LRRC4C: variants seen among roughly 807,000 people sequenced by gnomAD.
LRRC4C encodes the protein leucine-rich repeat-containing protein 4C.
LRRC4C carries 5 observed loss-of-function variants against 33.6 expected under a neutral mutation model. The observed-to-expected ratio is 0.15, with a 90% CI of 0.08 to 0.31. The LOEUF is 0.31. Among genes scored for constraint, LRRC4C ranks in the 10% least tolerant of loss-of-function variants. LRRC4C has a pLI of 1.00. For synonymous variants in LRRC4C, 329 were observed against 302.0 expected, an observed-to-expected ratio of 1.09 and a Z score of -0.93; for missense variants, 560 against 796.7, an observed-to-expected ratio of 0.70 and a Z score of 3.58.
intron 5 of LRRC4C, among the ~76,000 whole-genome samples, chr11:40,203,379 C>G (rs1298716278): frequency 6.6e-6 from 1 of 152,152 alleles, no homozygotes; most frequent in Non-Finnish European, 1.5e-5. Context: ...TTTTCCTCTT[C>G]TCTTATCATC....
Position 41,249,957 on chromosome 11 carries a change from A to G in LRRC4C, c.-496+209474T>C, listed in dbSNP as rs190179926. Among the ~76,000 whole-genome samples the G allele has an allele frequency of 1.4e-4, 22 of 152,138 alleles. No homozygotes were observed. In the East Asian group the frequency reaches 4.3e-3, roughly 29 times the overall value. ...CCTGATCTGATCACCTGAGGTCAGG[A>G]GTTCGAGACCAACCTGGCCAACATG... On this transcript the variant is annotated intron_variant, in intron 1 of 6. Coordinates refer to ENST00000528697, the MANE Select transcript of LRRC4C (RefSeq NM_001258419.2).
chr11:40,417,021 T>C (rs79288554), intron 3 of LRRC4C, among the ~76,000 whole-genome samples: 3,760 of 152,284 alleles, frequency 0.025, 156 homozygotes, highest in African/African-American at 0.085. Context: ...TGAGAACCAG[T>C]GAATGTCCCT....
Position 40,275,911 on chromosome 11 carries a change from G to A in LRRC4C, c.-175-34313C>T, listed in dbSNP as rs992820969. 5.9e-5 allele frequency among the ~76,000 whole-genome samples: 9 copies of A among 152,174 alleles called. No individual in the cohort carries two copies. The South Asian group carries it at 1.7e-3, about 28-fold the overall frequency. On this transcript the variant is annotated intron_variant, in intron 4 of 6. Coordinates refer to ENST00000528697, the MANE Select transcript of LRRC4C (RefSeq NM_001258419.2). ...GGTGGAAGTCAAGGGGCTGACCTCA[G>A]AGAGCCTTCCGGCTAAAAGCACAAA...
intron 5 of LRRC4C, among the ~76,000 whole-genome samples, chr11:40,199,489 G>T (rs918755132): frequency 2.0e-5 from 3 of 152,134 alleles, no homozygotes; most frequent in African/African-American, 7.2e-5. Flanking sequence ...ATTGCAATGA[G>T]CCACTAGGTT....
intron 3 of LRRC4C, among the ~76,000 whole-genome samples, chr11:40,516,484 T>C (rs541447728): frequency 6.6e-6 from 1 of 152,212 alleles, no homozygotes; most frequent in Admixed American, 6.6e-5. Flanking sequence ...GTTAGATATT[T>C]TTAAATACCC....
intron 3 of LRRC4C, among the ~76,000 whole-genome samples, chr11:40,615,014 C>T (rs1961622635): frequency 6.6e-6 from 1 of 151,420 alleles, no homozygotes; most frequent in African/African-American, 2.4e-5. Context: ...AAAGTGAGCA[C>T]GTGCTGTTGG....
At chr11:40,315,260 G>C (rs147024539) in intron 4 of LRRC4C, among the ~76,000 whole-genome samples, 11 of 151,620 alleles carry the variant, frequency 7.3e-5, no homozygotes, top group Non-Finnish European at 1.6e-4. Context: ...AAGGGATGGC[G>C]TGTGTGTGTG....
chr11:41,117,782 A>T (rs1239203829), intron 1 of LRRC4C, among the ~76,000 whole-genome samples: 1 of 152,152 alleles, frequency 6.6e-6, no homozygotes, highest in Non-Finnish European at 1.5e-5. Flanking sequence ...CCATTTCAAA[A>T]ATGAGAAGAA....
intron 1 of LRRC4C, among the ~76,000 whole-genome samples, chr11:41,454,813 C>G (rs11820905): frequency 1.2e-4 from 19 of 152,076 alleles, no homozygotes; most frequent in African/African-American, 4.6e-4. Context: ...GGGATTTTTA[C>G]CCCCTGTATA....
intron 1 of LRRC4C, among the ~76,000 whole-genome samples, chr11:41,383,552 T>C (rs893999544): frequency 2.0e-5 from 3 of 151,994 alleles, no homozygotes; most frequent in African/African-American, 4.8e-5. Flanking sequence ...AGGGTCATCA[T>C]TGAAAAACAG....
At chr11:40,852,814 G>T (rs1206239850) in intron 2 of LRRC4C, among the ~76,000 whole-genome samples, 1 of 152,152 alleles carries the variant, frequency 6.6e-6, no homozygotes, top group Admixed American at 6.6e-5. Context: ...AAGTCAAAAT[G>T]GAAATTTTCT....
intron 3 of LRRC4C, among the ~76,000 whole-genome samples, chr11:40,474,906 C>A (rs1953130912): frequency 6.6e-6 from 1 of 152,090 alleles, no homozygotes; most frequent in Non-Finnish European, 1.5e-5. Context: ...AATGAGATAC[C>A]ATCTCATGCC....
intron 3 of LRRC4C, among the ~76,000 whole-genome samples, chr11:40,592,080 C>T (rs558781547): frequency 1.6e-4 from 25 of 152,280 alleles, no homozygotes; most frequent in African/African-American, 2.2e-4. Flanking sequence ...TGCTTTTTAA[C>T]GATATGCAGC....
intron 3 of LRRC4C, among the ~76,000 whole-genome samples, chr11:40,448,054 C>T (rs1027896664): frequency 6.6e-6 from 1 of 151,996 alleles, no homozygotes; most frequent in Non-Finnish European, 1.5e-5. Context: ...TGACCGCCTA[C>T]CTCAGTCCCC....
chr11:40,688,729 A>G (rs1395325267), intron 2 of LRRC4C, among the ~76,000 whole-genome samples: 4 of 152,122 alleles, frequency 2.6e-5, no homozygotes, highest in African/African-American at 7.2e-5. Flanking sequence ...TAGAAGGCCA[A>G]TTCTCACAGG....
rs7939281 is a variant in LRRC4C, at chr11:40,746,423, C to T, written c.-406-98145G>A. On this transcript the variant is annotated intron_variant, in intron 2 of 6. Coordinates refer to ENST00000528697, the MANE Select transcript of LRRC4C (RefSeq NM_001258419.2). The stretch of plus-strand genomic sequence containing the variant: ...ACAGGCTGCTGCTTTAGGACTGAGG[C>T]TGAGGCTCGAGCACAGGGGCTGAGG... 5.1e-3 allele frequency among the ~76,000 whole-genome samples: 770 copies of T among 152,272 alleles called. 3 individuals are homozygous for T. Among genetic ancestry groups the T allele is most frequent in the Non-Finnish European group, 7.3e-3 (496 of 68,014 alleles).
chr11:40,856,392 G>A (rs1953783902), intron 2 of LRRC4C, among the ~76,000 whole-genome samples: 1 of 151,950 alleles, frequency 6.6e-6, no homozygotes, highest in African/African-American at 2.4e-5. Flanking sequence ...GAAGTACGTG[G>A]GTATGTTGCA....
At chr11:40,954,509 T>G (rs1958865548) in intron 1 of LRRC4C, among the ~76,000 whole-genome samples, 1 of 151,864 alleles carries the variant, frequency 6.6e-6, no homozygotes, top group Non-Finnish European at 1.5e-5. Context: ...CTCTCTTATT[T>G]GAGTAGGGCT....
At chr11:40,322,263 T>G (rs181889844) in intron 3 of LRRC4C, among the ~76,000 whole-genome samples, 1 of 152,138 alleles carries the variant, frequency 6.6e-6, no homozygotes, top group Non-Finnish European at 1.5e-5. Flanking sequence ...TTTTTTTTTC[T>G]GAGACAGAGT....
Sources: allele counts gnomAD v4.1 joint callset (sites outside exome capture counted in the v4.1 genomes callset), GRCh38; gene constraint gnomAD v4.1.1; transcripts MANE v1.5; gene names NCBI Gene and HGNC (gene_info 2026-07-23, HGNC 2026-07-21).